The following CREG2 variants were observed in gnomAD, a reference collection of about 807,000 sequenced individuals.
CREG2 encodes the protein protein CREG2.
A neutral mutation model predicts 26.2 loss-of-function variants in CREG2; 24 were observed. The observed-to-expected ratio is 0.92, with a 90% CI of 0.66 to 1.29. The LOEUF (loss-of-function observed/expected upper bound fraction) is 1.29, where lower values mean the gene tolerates loss of function less well. Ranked by LOEUF, CREG2 falls within the 50% of genes most tolerant of loss-of-function variation. The pLI is 0.00. For missense variants in CREG2, 366 were observed against 398.6 expected (o/e 0.92, Z 0.70); for synonymous variants, 174 against 169.2 (o/e 1.03, Z -0.22).
rs541270229 is a variant in CREG2, at chr2:101,374,070, C to T, written c.611+9463G>A. On this transcript the variant is annotated intron_variant, in intron 2 of 3. Coordinates refer to ENST00000324768, the MANE Select transcript of CREG2 (RefSeq NM_153836.4). ...TTGTAGAGATGGGGTTTCACCCCAT[C>T]GACTCAACGGCCTGCCCTGAGTCGT... Among the ~76,000 whole-genome samples the T allele has an allele frequency of 1.3e-4, 20 of 152,270 alleles. No individual in the cohort carries two copies. The East Asian group carries it at 1.5e-3, about 12-fold the overall frequency.
chr2:101,372,952 C>T (rs1684735464), intron 2 of CREG2, among the ~76,000 whole-genome samples: 2 of 152,146 alleles, frequency 1.3e-5, no homozygotes, highest in African/African-American at 4.8e-5. Flanking sequence ...TTACTTCACA[C>T]CCACAAGGAC....
Position 101,387,038 on chromosome 2 carries a change from G to A in CREG2, c.420C>T (p.Ala140=). ...TCACCTTCTTGTGGGTGGACACGGT[G>A]GCCAGGCAGCCCCAGACGCTGGCAT... ...LAHASVWGCL[A]TVSTHKKIQG... Residue 140 remains alanine, a synonymous_variant, in exon 1 of 4, where the codon GCC becomes GCT. Coordinates refer to ENST00000324768, the MANE Select transcript of CREG2 (RefSeq NM_153836.4). The surrounding 1 kb of genome is among the most constrained non-coding windows in gnomAD (Gnocchi z 4.7). 4.9e-6 allele frequency: 6 copies of A among 1,232,158 alleles called. No individual in the cohort carries two copies. The highest frequency in any genetic ancestry group is 6.1e-6 in the Non-Finnish European group (6 of 988,562). The allele number at this position is 1,232,158 out of a possible 1,614,324, so 76.3% of individuals were successfully genotyped here.
At chr2:101,354,288 T>TTG (rs1370189823) in intron 3 of CREG2, among the ~76,000 whole-genome samples, 4 of 152,114 alleles carry the variant, frequency 2.6e-5, no homozygotes. Flanking sequence ...ATAAAAACGT[T>TTG]TGTGCGCACA....
chr2:101,353,025 A>G (rs1684405832), intron 3 of CREG2, among the ~76,000 whole-genome samples: 1 of 152,244 alleles, frequency 6.6e-6, no homozygotes, highest in Non-Finnish European at 1.5e-5. Flanking sequence ...GTGGTAGGCA[A>G]ACTTGGCAAT....
At chr2:101,362,498 T>G (rs989422905) in intron 2 of CREG2, among the ~76,000 whole-genome samples, 3 of 152,214 alleles carry the variant, frequency 2.0e-5, no homozygotes, top group African/African-American at 7.2e-5. Context: ...TGTTTGTCTC[T>G]GTTCTTAGAT....
chr2:101,349,519 C>T lies in CREG2; in HGVS notation c.*1404G>A, dbSNP rs1430595533. The T allele has an allele frequency of 6.6e-6, 1 of 152,508 alleles. No individual in the cohort carries two copies. Among genetic ancestry groups the T allele is most frequent in the Non-Finnish European group, 1.5e-5 (1 of 68,010 alleles). 9.4% of individuals were successfully genotyped at this position (152,508 alleles called of 1,614,324 possible). On this transcript the variant is annotated 3_prime_UTR_variant, in exon 4 of 4. Transcript: ENST00000324768. Reference sequence around the variant, plus strand: ...TTTTATGTTATACAACCTCCCTAACCTACCAAAGAAAGTTTGTAGCCATTA... The same window carrying T: ...TTTTATGTTATACAACCTCCCTAACTTACCAAAGAAAGTTTGTAGCCATTA...
intron 2 of CREG2, among the ~76,000 whole-genome samples, chr2:101,355,677 C>A (rs1013003762): frequency 2.0e-5 from 3 of 151,814 alleles, no homozygotes; most frequent in African/African-American, 7.3e-5. Flanking sequence ...AGTTCCCTGA[C>A]CCCCTCGAGG....
chr2:101,355,309 C>A lies in CREG2; in HGVS notation c.669G>T (p.Gln223His). ...PRCVQLTLTGQMIAVSPEEVE... is the reference protein window; with the variant it reads ...PRCVQLTLTGHMIAVSPEEVE... The stretch of plus-strand genomic sequence containing the variant: ...CTTCTTCTGGAGACACTGCGATCAT[C>A]TGGCCAGTGAGCGTTAACTGGACAC... The change falls in exon 3 of 4, where the codon CAG becomes CAT. Residue 223 changes from glutamine to histidine, a missense_variant. Coordinates refer to ENST00000324768, the MANE Select transcript of CREG2 (RefSeq NM_153836.4). 1 of 1,614,168 alleles carries A rather than the reference C, an allele frequency of 6.2e-7. No individual in the cohort carries two copies.
chr2:101,348,874 T>C lies in CREG2; in HGVS notation c.*2049A>G, dbSNP rs1020967937. The C allele has an allele frequency of 6.6e-6, 1 of 152,204 alleles. No homozygotes were observed. Among genetic ancestry groups the C allele is most frequent in the Non-Finnish European group, 1.5e-5 (1 of 68,034 alleles). The allele number at this position is 152,204 out of a possible 1,614,324, so 9.4% of individuals were successfully genotyped here. ...TTCTAGAGATTTGCTGAAACACACT[T>C]GCCTGAATGGAGACCATCAAACTTA... On this transcript the variant is annotated 3_prime_UTR_variant, in exon 4 of 4. Coordinates refer to ENST00000324768, the MANE Select transcript of CREG2 (RefSeq NM_153836.4).
At chr2:101,381,385 C>T (rs947061688) in intron 2 of CREG2, among the ~76,000 whole-genome samples, 1 of 152,190 alleles carries the variant, frequency 6.6e-6, no homozygotes, top group Non-Finnish European at 1.5e-5. Context: ...TTCAGTATTG[C>T]CAAGATTCTG....
chr2:101,377,200 A>G (rs907464014), intron 2 of CREG2, among the ~76,000 whole-genome samples: 1 of 152,184 alleles, frequency 6.6e-6, no homozygotes, highest in African/African-American at 2.4e-5. Flanking sequence ...TATGAAAAGA[A>G]ATTTTTTTAA....
At chr2:101,351,698 T>A (rs4585047) in intron 3 of CREG2, among the ~76,000 whole-genome samples, 122 of 151,972 alleles carry the variant, frequency 8.0e-4, no homozygotes, top group Non-Finnish European at 8.7e-4. Flanking sequence ...CTCTCCCCGA[T>A]GCATACCCCT....
Position 101,387,342 on chromosome 2 carries a change from G to T in CREG2, c.116C>A (p.Ser39Tyr). The T allele has an allele frequency of 6.9e-7, 1 of 1,441,926 alleles. No homozygotes were observed. The highest frequency in any genetic ancestry group is 9.2e-7 in the Non-Finnish European group (1 of 1,084,234). 89.3% of individuals were successfully genotyped at this position (1,441,926 alleles called of 1,614,324 possible). ...GTCCACCTCGTTGGTGACGGCCCAA[G>T]ACACGGAGCTCACGATCACGTAGCC... ...AAGYVIVSSV[S>Y]WAVTNEVDEE... The change falls in exon 1 of 4, where the codon TCT becomes TAT. Residue 39 changes from serine to tyrosine, a missense_variant. Ser to Tyr is a moderately radical substitution (Grantham distance 144). Around this residue, in one of 3 missense-constraint regions of CREG2, gnomAD observed 177 missense variants for 183.3 expected, o/e 0.97. Transcript: ENST00000324768. This position sits in a 1 kb window ranked among gnomAD's most constrained non-coding sequence, Gnocchi z 4.7.
rs1021403109 is a variant in CREG2, at chr2:101,345,589, A to G, written c.*5334T>C. Reference sequence around the variant, plus strand: ...TCATTTAATCAAGCACACAAATCATATCAGGAATGAAATAGTCTTTGGTTA... The same window carrying G: ...TCATTTAATCAAGCACACAAATCATGTCAGGAATGAAATAGTCTTTGGTTA... On this transcript the variant is annotated 3_prime_UTR_variant, in exon 4 of 4. Coordinates refer to ENST00000324768, the MANE Select transcript of CREG2 (RefSeq NM_153836.4). The G allele has an allele frequency of 6.6e-6, 1 of 152,242 alleles. No homozygotes were observed. The highest frequency in any genetic ancestry group is 2.4e-5 in the African/African-American group (1 of 41,474). 9.4% of individuals were successfully genotyped at this position (152,242 alleles called of 1,614,324 possible).
chr2:101,373,580 A>G (rs992106377), intron 2 of CREG2, among the ~76,000 whole-genome samples: 2 of 152,220 alleles, frequency 1.3e-5, no homozygotes, highest in African/African-American at 4.8e-5. Context: ...TCTAACAGAT[A>G]AATAAAACAT....
At position 101,387,374 on chromosome 2, in the gene CREG2, C is replaced by T. The variant is rs1558824220; in HGVS notation, c.84G>A (p.Pro28=). ...WLLCCSALLS[P]AAGYVIVSSV... is the part of the protein sequence containing the mutation. ...AGCTCACGATCACGTAGCCCGCGGC[C>T]GGGGACAGCAGGGCGCTGCAGCACA... is the stretch of plus-strand genomic sequence containing the variant. The change falls in exon 1 of 4, where the codon CCG becomes CCA. Residue 28 remains proline, a synonymous_variant. Coordinates refer to ENST00000324768, the MANE Select transcript of CREG2 (RefSeq NM_153836.4). This position sits in a 1 kb window ranked among gnomAD's most constrained non-coding sequence, Gnocchi z 4.7. 1 of 1,338,058 alleles carries T rather than the reference C, an allele frequency of 7.5e-7. No individual in the cohort carries two copies. Among genetic ancestry groups the T allele is most frequent in the Admixed American group, 2.5e-5 (1 of 40,580 alleles). 82.9% of individuals were successfully genotyped at this position (1,338,058 alleles called of 1,614,324 possible).
rs1573298918 is a variant in CREG2, at chr2:101,351,013, C to A, written c.783G>T (p.Arg261Ser). The A allele has an allele frequency of 6.2e-7, 1 of 1,614,192 alleles. No individual in the cohort carries two copies. Among genetic ancestry groups the A allele is most frequent in the Non-Finnish European group, 8.5e-7 (1 of 1,180,008 alleles). Reference protein sequence around the residue: ...RQYEWFFMKMRIEHIWLQKWY... With the variant: ...RQYEWFFMKMSIEHIWLQKWY... Reference sequence around the variant, plus strand: ...ATTTCTGAAGCCAGATATGTTCTATCCTCATCTTCATAAAGAACCATTCAT... The same window carrying A: ...ATTTCTGAAGCCAGATATGTTCTATACTCATCTTCATAAAGAACCATTCAT... The change falls in exon 4 of 4, where the codon AGG becomes AGT. Residue 261 changes from arginine (R) to serine (S), a missense_variant. Arg to Ser is a moderately radical substitution (Grantham distance 110). Around this residue, in one of 3 missense-constraint regions of CREG2, gnomAD observed 174 missense variants for 178.2 expected, o/e 0.98. Coordinates refer to ENST00000324768, the MANE Select transcript of CREG2 (RefSeq NM_153836.4).
At position 101,387,272 on chromosome 2, in the gene CREG2, C is replaced by T; in HGVS notation, c.186G>A (p.Leu62=). The change falls in exon 1 of 4, where the codon CTG becomes CTA. Residue 62 remains leucine, a synonymous_variant. Coordinates refer to ENST00000324768, the MANE Select transcript of CREG2 (RefSeq NM_153836.4). The surrounding 1 kb of genome is among the most constrained non-coding windows in gnomAD (Gnocchi z 4.7). ...GCCAGATGCTGCCCGAATCCTCTAGCAGCGCGGGCATAGCCTCCTCAGTGG... is the reference window on the plus strand; with the variant it reads ...GCCAGATGCTGCCCGAATCCTCTAGTAGCGCGGGCATAGCCTCCTCAGTGG... ...SASTEEAMPA[L]LEDSGSIWQQ... 6.8e-7 allele frequency: 1 copy of T among 1,477,758 alleles called. No individual in the cohort carries two copies. Among genetic ancestry groups the T allele is most frequent in the Non-Finnish European group, 9.0e-7 (1 of 1,106,232 alleles). 91.5% of individuals were successfully genotyped at this position (1,477,758 alleles called of 1,614,324 possible). A position where few individuals can be genotyped will look rare whatever the true frequency, so the allele number is the denominator to read the frequency against.
chr2:101,356,252 T>C (rs953726171), intron 2 of CREG2, among the ~76,000 whole-genome samples: 20 of 152,136 alleles, frequency 1.3e-4, no homozygotes, highest in African/African-American at 4.6e-4. Context: ...GGGGTTTATA[T>C]GGGCCCAGGA....
Sources: allele counts gnomAD v4.1 joint callset (sites outside exome capture counted in the v4.1 genomes callset), GRCh38; gene constraint gnomAD v4.1.1; regional missense constraint gnomAD v4.1.1; non-coding constraint Gnocchi (gnomAD v3.1); transcripts MANE v1.5; gene names NCBI Gene and HGNC (gene_info 2026-07-23, HGNC 2026-07-21).